OGA: variants seen among roughly 807,000 people sequenced by gnomAD.
The protein encoded by OGA is O-GlcNAcase.
OGA carries 21 observed loss-of-function variants against 102.0 expected under a neutral mutation model. That is an observed-to-expected ratio of 0.21 (90% CI 0.15 to 0.30). The LOEUF is 0.30. Ranked by LOEUF, OGA falls within the 10% of genes least tolerant of loss-of-function variation. The pLI is 1.00. For synonymous variants in OGA, 408 were observed against 378.2 expected (o/e 1.08, Z -0.91); for missense variants, 765 against 1,107.8 (o/e 0.69, Z 4.39).
chr10:101,818,144 CTCCCCCTCTGCCCT>C lies in OGA; in HGVS notation c.-136_-123del, dbSNP rs2065667609. The C allele has an allele frequency of 4.3e-6, 6 of 1,389,956 alleles. No individual in the cohort carries two copies. Among genetic ancestry groups the C allele is most frequent in the Non-Finnish European group, 4.7e-6 (5 of 1,074,328 alleles). The allele number at this position is 1,389,956 out of a possible 1,614,324, so 86.1% of individuals were successfully genotyped here. On this transcript the variant is annotated 5_prime_UTR_variant, in exon 1 of 16. Coordinates refer to ENST00000361464, the MANE Select transcript of OGA (RefSeq NM_012215.5). ...GTGTGCGCCCCTCCGGCTCCTTCCC[CTCCCCCTCTGCCCT>C]TCCCCCTCCCTCTCCGCAGGGACCC...
At chr10:101,790,281 T>C (rs2065244069) in intron 14 of OGA, among the ~76,000 whole-genome samples, 1 of 145,506 alleles carries the variant, frequency 6.9e-6, no homozygotes, top group Non-Finnish European at 1.5e-5. Context: ...TTTTTTTTTT[T>C]TTTTTTTTTG....
At chr10:101,795,140 G>A (rs537068457) in intron 10 of OGA, among the ~76,000 whole-genome samples, 7 of 152,172 alleles carry the variant, frequency 4.6e-5, no homozygotes, top group African/African-American at 1.2e-4. Flanking sequence ...GTCCCATTCC[G>A]TAACTCAGTG....
At chr10:101,800,723 C>T (rs1236694313) in intron 7 of OGA, among the ~76,000 whole-genome samples, 3 of 150,308 alleles carry the variant, frequency 2.0e-5, no homozygotes, top group African/African-American at 7.3e-5. Context: ...AAGTACCATG[C>T]TTTTCGTATG....
chr10:101,798,695 T>C (rs1254590202), intron 9 of OGA, 147 bp downstream of exon 9: 8 of 1,042,266 alleles, frequency 7.7e-6, no homozygotes, highest in Non-Finnish European at 1.1e-5. Context: ...ACTACAGGCA[T>C]GAGCCATCAT....
intron 7 of OGA, among the ~76,000 whole-genome samples, chr10:101,803,442 T>A: frequency 7.8e-6 from 1 of 127,904 alleles, no homozygotes. Flanking sequence ...TGCTTCTGAA[T>A]CATACTAAAA....
chr10:101,801,382 G>A (rs2065389763), intron 7 of OGA, among the ~76,000 whole-genome samples: 1 of 144,094 alleles, frequency 6.9e-6, no homozygotes, highest in Non-Finnish European at 1.5e-5. Context: ...ACAAGAGCAA[G>A]ACTCCGTCTC....
chr10:101,810,347 G>C (rs549510965), intron 3 of OGA, 33 bp from the exon 4 acceptor site: 2 of 1,572,524 alleles, frequency 1.3e-6, no homozygotes, highest in African/African-American at 1.4e-5. Flanking sequence ...TTAGAAAGCA[G>C]AACAGAAAAC....
chr10:101,804,814 C>T (rs771464247), intron 6 of OGA, among the ~76,000 whole-genome samples: 2 of 151,936 alleles, frequency 1.3e-5, no homozygotes, highest in Non-Finnish European at 2.9e-5. Flanking sequence ...TAATCTTAAA[C>T]TCCTGGCCTC....
chr10:101,790,990 G>T lies in OGA; in HGVS notation c.2360C>A (p.Thr787Asn). The T allele has an allele frequency of 1.2e-6, 2 of 1,613,666 alleles. No individual in the cohort carries two copies. Among genetic ancestry groups the T allele is most frequent in the Non-Finnish European group, 1.7e-6 (2 of 1,179,720 alleles). The change falls in exon 14 of 16, where the codon ACC (threonine) becomes AAC (asparagine). Residue 787 changes from threonine to asparagine, a missense_variant. Transcript: ENST00000361464. ...AATTTTACATTTTTTAATAAAGGGG[G>T]TCACATCTACAGTGCCCAAGGCATA... Reference protein sequence around the residue: ...CGYALGTVDVTPFIKKCKISW... With the variant: ...CGYALGTVDVNPFIKKCKISW...
intron 1 of OGA, among the ~76,000 whole-genome samples, chr10:101,815,098 G>C (rs926873663): frequency 1.3e-5 from 2 of 152,090 alleles, no homozygotes; most frequent in Non-Finnish European, 2.9e-5. Flanking sequence ...ATCTACATAA[G>C]AGACTAGTCT....
In OGA at chr10:101,785,133, A is replaced by C. The variant is rs142179278; in HGVS notation, c.*1318T>G. The C allele has an allele frequency of 2.6e-5, 4 of 152,364 alleles. No homozygotes were observed. The highest frequency in any genetic ancestry group is 7.2e-5 in the African/African-American group (3 of 41,582). The allele number at this position is 152,364 out of a possible 1,614,324, so 9.4% of individuals were successfully genotyped here. On this transcript the variant is annotated 3_prime_UTR_variant, in exon 16 of 16. Transcript: ENST00000361464. Reference sequence around the variant, plus strand: ...AAAACTACAGAGAAGCAAGATAACAAAATACTGTTATCAATCTATGGAGAA... The same window carrying C: ...AAAACTACAGAGAAGCAAGATAACACAATACTGTTATCAATCTATGGAGAA...
intron 5 of OGA, among the ~76,000 whole-genome samples, chr10:101,807,354 C>T (rs2065490142): frequency 6.6e-6 from 1 of 151,830 alleles, no homozygotes; most frequent in African/African-American, 2.4e-5. Flanking sequence ...GGGAGGAGTG[C>T]AAAAAGGGAC....
At chr10:101,799,494 C>T in intron 8 of OGA, 39 bp from the exon 9 acceptor site, 2 of 1,552,934 alleles carry the variant, frequency 1.3e-6, no homozygotes, top group Non-Finnish European at 1.8e-6. Flanking sequence ...AATGGTCACA[C>T]AGATAATCAG....
intron 1 of OGA, 40 bp from the exon 2 acceptor site, chr10:101,813,646 A>T: frequency 7.7e-7 from 1 of 1,305,302 alleles, no homozygotes; most frequent in Middle Eastern, 2.0e-4. Flanking sequence ...TCAGTTTTAA[A>T]ATGTGGTAAG....
At chr10:101,808,970 A>C (rs77681343) in intron 4 of OGA, among the ~76,000 whole-genome samples, 1 of 145,802 alleles carries the variant, frequency 6.9e-6, no homozygotes. Context: ...ACTCAGTTTC[A>C]AAAAAAAAAA....
intron 14 of OGA, 107 bp from the exon 15 acceptor site, chr10:101,787,630 C>T (rs1417955920): frequency 6.7e-6 from 6 of 890,338 alleles, no homozygotes; most frequent in Non-Finnish European, 1.0e-5. Flanking sequence ...CTCTTCCAGT[C>T]ACTATGTAAA....
At chr10:101,789,183 G>A (rs1020314964) in intron 14 of OGA, among the ~76,000 whole-genome samples, 1 of 152,146 alleles carries the variant, frequency 6.6e-6, no homozygotes, top group Admixed American at 6.5e-5. Context: ...AAGGGCAGAA[G>A]GTAAAATATA....
At chr10:101,791,910 T>G (rs1223637580) in intron 12 of OGA, among the ~76,000 whole-genome samples, 2 of 151,956 alleles carry the variant, frequency 1.3e-5, no homozygotes, top group African/African-American at 2.4e-5. Flanking sequence ...CACTGCAACC[T>G]CCGCCTCTCA....
chr10:101,806,021 C>T, intron 6 of OGA, 24 bp downstream of exon 6: 2 of 1,467,390 alleles, frequency 1.4e-6, no homozygotes, highest in African/African-American at 1.4e-5. Flanking sequence ...TCAACTTTGA[C>T]TGTATAAATC....
Sources: allele counts gnomAD v4.1 joint callset (sites outside exome capture counted in the v4.1 genomes callset), GRCh38; gene constraint gnomAD v4.1.1; transcripts MANE v1.5; gene names NCBI Gene and HGNC (gene_info 2026-07-23, HGNC 2026-07-21).